The following ARMCX4 variants were observed in gnomAD, a reference collection of about 807,000 sequenced individuals.
ARMCX4 encodes armadillo repeat-containing X-linked protein 4.
ARMCX4 carries 3 observed loss-of-function variants against 34.7 expected under a neutral mutation model. The ratio of observed to expected loss-of-function variants is 0.09; its 90% CI spans 0.04 to 0.22. The LOEUF is 0.22. Ranked by LOEUF, ARMCX4 falls within the 10% of genes least tolerant of loss-of-function variation. ARMCX4 has a pLI of 1.00. For synonymous variants in ARMCX4, 513 were observed against 632.8 expected (o/e 0.81, Z 2.84); for missense variants, 1,448 against 1,720.8 (o/e 0.84, Z 2.81).
chrX:101,429,146 C>A (rs921911377), intron 2 of ARMCX4, among the ~76,000 whole-genome samples: 1 of 110,531 alleles, frequency 9.0e-6, no homozygotes, highest in Admixed American at 9.7e-5. Context: ...AGGCATGAGC[C>A]GCTGTGCCCA....
downstream of ARMCX4, among the ~76,000 whole-genome samples, chrX:101,500,054 C>T (rs1382059580): frequency 9.0e-6 from 1 of 111,508 alleles, no homozygotes; most frequent in Admixed American, 9.5e-5. Flanking sequence ...TAACTGTGTA[C>T]CAAGGAAAGA....
intron 11 of ARMCX4, among the ~76,000 whole-genome samples, chrX:101,524,594 G>A (rs781889867): frequency 9.0e-6 from 1 of 111,682 alleles, no homozygotes; most frequent in Non-Finnish European, 1.9e-5. Context: ...TGGAAAATCG[G>A]GACACTCCCG....
At chrX:101,427,759 G>C (rs1186216134) in intron 2 of ARMCX4, among the ~76,000 whole-genome samples, 1 of 111,240 alleles carries the variant, frequency 9.0e-6, no homozygotes, top group African/African-American at 3.3e-5. Flanking sequence ...CAAAACCTTA[G>C]GGGCATCCTG....
chrX:101,492,740 C>A lies in ARMCX4; in HGVS notation c.4151C>A (p.Ser1384Tyr). The A allele has an allele frequency of 8.8e-7, 1 of 1,131,931 alleles. No homozygotes were observed. The highest frequency in any genetic ancestry group is 1.2e-6 in the Non-Finnish European group (1 of 858,991). The allele number at this position is 1,131,931 out of a possible 1,213,427, so 93.3% of individuals were successfully genotyped here. The change falls in exon 6 of 6, where the codon TCT (serine) becomes TAT (tyrosine). Residue 1384 changes from serine to tyrosine, a missense_variant. Transcript: ENST00000423738. ...GGAWAGTLDQ[S>Y]GGGSKPRFEN... ...GCCTGGGCTGGGACACTTGATCAGT[C>A]TGGTGGTGGGTCCAAGCCTAGATTT... is the stretch of plus-strand genomic sequence containing the variant.
At chrX:101,438,782 A>G (rs1156553827) in intron 2 of ARMCX4, among the ~76,000 whole-genome samples, 2 of 111,060 alleles carry the variant, frequency 1.8e-5, no homozygotes, top group Non-Finnish European at 3.8e-5. Flanking sequence ...ATCAGAGACT[A>G]GGATTGCAAC....
intron 2 of ARMCX4, among the ~76,000 whole-genome samples, chrX:101,432,659 C>A (rs190836408): frequency 0.065 from 6,900 of 105,535 alleles, 239 homozygotes; most frequent in Non-Finnish European, 0.1. Flanking sequence ...GATTCTGTCT[C>A]AAAAAAAACC....
chrX:101,421,221 AAAAG>A (rs1929229971), intron 2 of ARMCX4, among the ~76,000 whole-genome samples: 1 of 108,935 alleles, frequency 9.2e-6, no homozygotes, highest in Non-Finnish European at 1.9e-5. Flanking sequence ...AAAAAAAAAA[AAAAG>A]AAAGGAAAAG....
intron 4 of ARMCX4, among the ~76,000 whole-genome samples, chrX:101,470,728 A>C (rs142435584): frequency 0.011 from 1,280 of 112,260 alleles, 10 homozygotes; most frequent in South Asian, 0.04. Context: ...TTATTTATCC[A>C]TTCTCTTATT....
chrX:101,497,530 C>T (rs1016809508), downstream of ARMCX4, among the ~76,000 whole-genome samples: 4 of 111,697 alleles, frequency 3.6e-5, no homozygotes, highest in African/African-American at 9.8e-5. Flanking sequence ...TGAGCCACCA[C>T]GCCCGGCCTC....
chrX:101,528,310 A>G (rs1935031250), intron 11 of ARMCX4, among the ~76,000 whole-genome samples: 1 of 111,879 alleles, frequency 8.9e-6, no homozygotes, highest in Non-Finnish European at 1.9e-5. Flanking sequence ...CTCTCAATAA[A>G]CTAGGTATTG....
At chrX:101,464,407 C>A (rs1057287068) in intron 4 of ARMCX4, among the ~76,000 whole-genome samples, 6 of 110,863 alleles carry the variant, frequency 5.4e-5, no homozygotes, top group Admixed American at 3.9e-4. Context: ...AAAATGTGTT[C>A]ATTGTAGAAC....
chrX:101,431,507 A>AC lies in ARMCX4; in HGVS notation n.164+12507_164+12508insC, dbSNP rs782707494. ...CTAATTCACTGATAAGCAGTTAAAA[A>AC]ATTGCCCCACATTTGGTATTACAAA... is the stretch of plus-strand genomic sequence containing the variant. On this transcript the variant is annotated intron_variant and non_coding_transcript_variant, in intron 2 of 3. Coordinates refer to the ARMCX4 transcript ENST00000430461. Among the ~76,000 whole-genome samples the AC allele has an allele frequency of 4.5e-4, 50 of 111,663 alleles. No individual in the cohort carries two copies. The East Asian group carries it at 0.012, about 27-fold the overall frequency.
chrX:101,518,321 A>G (rs141227488), intron 11 of ARMCX4, among the ~76,000 whole-genome samples: 1,895 of 111,997 alleles, frequency 0.017, 36 homozygotes, highest in African/African-American at 0.058. Context: ...GAGTTAGGAT[A>G]TAATTGAAAG....
chrX:101,480,709 C>T (rs1208365212), upstream of ARMCX4, among the ~76,000 whole-genome samples: 2 of 111,872 alleles, frequency 1.8e-5, no homozygotes, highest in African/African-American at 3.2e-5. Flanking sequence ...TTAAAAAATA[C>T]AGCTGAATAG....
At chrX:101,525,381 T>C (rs1195792866) in intron 11 of ARMCX4, among the ~76,000 whole-genome samples, 1 of 111,751 alleles carries the variant, frequency 8.9e-6, no homozygotes, top group African/African-American at 3.3e-5. Context: ...GCAGAAAAGC[T>C]GAAAATTCTA....
At chrX:101,499,318 C>T (rs782236651), downstream of ARMCX4, 12 of 111,512 alleles carry the variant, frequency 1.1e-4, no homozygotes, top group Non-Finnish European at 2.3e-4. Flanking sequence ...GTGTAAATGC[C>T]AGAGTTGCCA....
intron 2 of ARMCX4, among the ~76,000 whole-genome samples, chrX:101,423,613 G>A (rs188275596): frequency 0.029 from 3,116 of 108,800 alleles, 98 homozygotes; most frequent in African/African-American, 0.097. Flanking sequence ...GTGAAACTCC[G>A]TCTCAAAAAA....
At position 101,492,812 on chromosome X, in the gene ARMCX4, A is replaced by G. The variant is rs1556010034; in HGVS notation, c.4223A>G (p.Gln1408Arg). ...GGGTCTTGGGCTGGGGCTGGTGGCC[A>G]GGCTGGTGGAGGGTCCAAGGTGGGG... ...EEGSWAGAGG[Q>R]AGGGSKVGPE... Residue 1408 changes from glutamine (Q) to arginine (R), a missense_variant, in exon 6 of 6, where the codon CAG becomes CGG. Coordinates refer to ENST00000423738, the MANE Select transcript of ARMCX4 (RefSeq NM_001256155.3). The G allele has an allele frequency of 8.7e-7, 1 of 1,153,741 alleles. No individual in the cohort carries two copies. Among genetic ancestry groups the G allele is most frequent in the East Asian group, 3.3e-5 (1 of 30,664 alleles).
In ARMCX4 at chrX:101,490,700, C is replaced by A; in HGVS notation, c.2111C>A (p.Thr704Lys). The change falls in exon 6 of 6, where the codon ACA becomes AAA. Residue 704 changes from threonine to lysine, a missense_variant. Physicochemically the swap from Thr to Lys is moderately conservative, Grantham distance 78. This residue lies in a region of ARMCX4 where 1,343 missense variants were observed against 1,540.7 expected (regional missense o/e 0.87). Transcript: ENST00000423738. The stretch of plus-strand genomic sequence containing the variant: ...TCTAAGGCAGGGGCTGGGACAGATA[C>A]AACAGGCTCTGTCCAGCCCCAGATT... The part of the protein sequence containing the change: ...AVSKAGAGTD[T>K]TGSVQPQIVA... 1.7e-6 allele frequency: 2 copies of A among 1,151,721 alleles called. No homozygotes were observed. The highest frequency in any genetic ancestry group is 2.3e-6 in the Non-Finnish European group (2 of 871,544). The allele number at this position is 1,151,721 out of a possible 1,213,427, so 94.9% of individuals were successfully genotyped here.
Sources: allele counts gnomAD v4.1 joint callset (sites outside exome capture counted in the v4.1 genomes callset), GRCh38; gene constraint gnomAD v4.1.1; regional missense constraint gnomAD v4.1.1; transcripts MANE v1.5; gene names NCBI Gene and HGNC (gene_info 2026-07-23, HGNC 2026-07-21).